PRIMA1: variants seen among roughly 807,000 people sequenced by gnomAD.
PRIMA1 encodes the protein proline-rich membrane anchor 1.
PRIMA1 carries 7 observed loss-of-function variants against 17.5 expected under a neutral mutation model. That is an observed-to-expected ratio of 0.40 (90% confidence interval 0.23 to 0.75). PRIMA1 has a LOEUF of 0.75. PRIMA1 is among the 30% of genes least tolerant of loss of function. The pLI, the probability that PRIMA1 is intolerant of heterozygous loss-of-function variation, is 0.37. For synonymous variants in PRIMA1, 97 were observed against 77.9 expected (o/e 1.25, Z -1.29); for missense variants, 200 against 201.8 (o/e 0.99, Z 0.05).
intron 4 of PRIMA1, among the ~76,000 whole-genome samples, chr14:93,736,754 CTT>C: frequency 6.6e-6 from 1 of 152,260 alleles, no homozygotes; most frequent in Non-Finnish European, 1.5e-5. Context: ...AAAGAGTAAA[CTT>C]AAATATTTTA....
At chr14:93,774,014 C>T (rs1448350341) in intron 3 of PRIMA1, among the ~76,000 whole-genome samples, 2 of 152,132 alleles carry the variant, frequency 1.3e-5, no homozygotes, top group African/African-American at 2.4e-5. Context: ...ATCACTTGAA[C>T]TCAGGAGGCA....
rs534100793 is a variant in PRIMA1 at position 93,721,584 on chromosome 14, G to T, written c.360-38C>A. 3.2e-5 allele frequency: 40 copies of T among 1,253,198 alleles called. No homozygotes were observed. In the East Asian group the frequency reaches 8.1e-4, roughly 25 times the overall value. The allele number at this position is 1,253,198 out of a possible 1,614,324, so 77.6% of individuals were successfully genotyped here. A position where few individuals can be genotyped will look rare whatever the true frequency, so the allele number is the denominator to read the frequency against. Reference sequence around the variant, plus strand: ...GGAGGGGACAGGAAAGGCAAAGGAGGGGGAGGCAGGGACACCATTAGTTAT... The same window carrying T: ...GGAGGGGACAGGAAAGGCAAAGGAGTGGGAGGCAGGGACACCATTAGTTAT... On this transcript the variant is annotated intron_variant, in intron 4 of 4. Coordinates refer to ENST00000393140, the MANE Select transcript of PRIMA1 (RefSeq NM_178013.4).
chr14:93,743,895 G>A (rs546838959), intron 3 of PRIMA1, among the ~76,000 whole-genome samples: 29 of 152,346 alleles, frequency 1.9e-4, no homozygotes, highest in Admixed American at 2.0e-4. Context: ...GACTCGGTGC[G>A]CGCTGAAAGG....
In PRIMA1 at chr14:93,718,475, A is replaced by G. The variant is rs760307792; in HGVS notation, c.*2969T>C. Reference sequence around the variant, plus strand: ...CATCAACTTGTACATTTGCCCATTGAGAGAACTCCCAGGAGCAACTGTCCT... The same window carrying G: ...CATCAACTTGTACATTTGCCCATTGGGAGAACTCCCAGGAGCAACTGTCCT... On this transcript the variant is annotated 3_prime_UTR_variant, in exon 5 of 5. Coordinates refer to ENST00000393140, the MANE Select transcript of PRIMA1 (RefSeq NM_178013.4). 5 of 152,604 alleles carry G rather than the reference A, an allele frequency of 3.3e-5. No homozygotes were observed. The South Asian group carries it at 1.0e-3, about 32-fold the overall frequency. 9.5% of individuals were successfully genotyped at this position (152,604 alleles called of 1,614,324 possible).
intron 3 of PRIMA1, among the ~76,000 whole-genome samples, chr14:93,757,649 G>A (rs1277113505): frequency 2.0e-5 from 3 of 152,076 alleles, no homozygotes; most frequent in Non-Finnish European, 2.9e-5. Flanking sequence ...GTGTGGAGTC[G>A]TTCAAGCTCT....
intron 3 of PRIMA1, among the ~76,000 whole-genome samples, chr14:93,752,446 T>C (rs1466318316): frequency 6.6e-6 from 1 of 152,146 alleles, no homozygotes; most frequent in East Asian, 1.9e-4. Flanking sequence ...CCCTCTCTCT[T>C]TCAGCAGCCA....
At chr14:93,767,562 C>T (rs1884928362) in intron 3 of PRIMA1, among the ~76,000 whole-genome samples, 1 of 152,212 alleles carries the variant, frequency 6.6e-6, no homozygotes, top group South Asian at 2.1e-4. Flanking sequence ...TCCTGCATCA[C>T]AGCCGATGCT....
chr14:93,723,994 C>T (rs2076059251), intron 4 of PRIMA1, among the ~76,000 whole-genome samples: 1 of 152,178 alleles, frequency 6.6e-6, no homozygotes, highest in South Asian at 2.1e-4. Flanking sequence ...AAGTGATCCT[C>T]CAGCTTTAGC....
intron 4 of PRIMA1, among the ~76,000 whole-genome samples, chr14:93,733,486 C>T (rs2076128889): frequency 1.3e-5 from 2 of 152,150 alleles, no homozygotes; most frequent in African/African-American, 4.8e-5. Context: ...CCGCCCGTCC[C>T]TGCCGAGGCC....
Position 93,737,439 on chromosome 14 carries a change from C to A in PRIMA1, c.230-69G>T, listed in dbSNP as rs2076157065. ...GTCATGGCCAGTGACAGAGGTGGGA[C>A]CATCATGGGTGACACCAACAGAGGC... On this transcript the variant is annotated intron_variant, in intron 3 of 4. Coordinates refer to ENST00000393140, the MANE Select transcript of PRIMA1 (RefSeq NM_178013.4). 3.2e-6 allele frequency: 5 copies of A among 1,566,524 alleles called. No homozygotes were observed. The East Asian group carries it at 1.2e-4, about 36-fold the overall frequency.
chr14:93,744,522 G>A (rs1312517983), intron 3 of PRIMA1, among the ~76,000 whole-genome samples: 2 of 152,244 alleles, frequency 1.3e-5, no homozygotes, highest in Admixed American at 1.3e-4. Context: ...CATGTGGGCC[G>A]CACTTGAAAA....
At chr14:93,734,408 G>C (rs1438932098) in intron 4 of PRIMA1, among the ~76,000 whole-genome samples, 2 of 152,272 alleles carry the variant, frequency 1.3e-5, no homozygotes, top group Admixed American at 1.3e-4. Context: ...TGCCTGTTTT[G>C]GGGCTGCTTC....
At chr14:93,750,186 T>A (rs1249384010) in intron 3 of PRIMA1, among the ~76,000 whole-genome samples, 1 of 147,690 alleles carries the variant, frequency 6.8e-6, no homozygotes, top group African/African-American at 2.5e-5. Context: ...AGACTCCGTC[T>A]AAAAAAAAAA....
At chr14:93,743,546 CCT>C in intron 3 of PRIMA1, among the ~76,000 whole-genome samples, 1 of 152,352 alleles carries the variant, frequency 6.6e-6, no homozygotes, top group South Asian at 2.1e-4. Context: ...CTAGGACCCC[CCT>C]GTGCCGTAGA....
At chr14:93,739,623 A>G (rs541990148) in intron 3 of PRIMA1, among the ~76,000 whole-genome samples, 2 of 152,298 alleles carry the variant, frequency 1.3e-5, no homozygotes, top group South Asian at 4.1e-4. Flanking sequence ...AAGGAAGAAG[A>G]TGGCAAGAAG....
intron 2 of PRIMA1, among the ~76,000 whole-genome samples, chr14:93,780,590 C>T (rs978618039): frequency 1.3e-5 from 2 of 152,168 alleles, no homozygotes; most frequent in Non-Finnish European, 2.9e-5. Context: ...CCTGGCTGTA[C>T]CTTGGAATCT....
intron 4 of PRIMA1, among the ~76,000 whole-genome samples, chr14:93,732,946 G>C (rs182661468): frequency 6.6e-6 from 1 of 152,192 alleles, no homozygotes; most frequent in African/African-American, 2.4e-5. Context: ...AGGGGTGGGA[G>C]GACACCCAGG....
intron 4 of PRIMA1, chr14:93,725,702 A>G: frequency 3.0e-6 from 1 of 327,906 alleles, no homozygotes; most frequent in Non-Finnish European, 6.1e-6. Flanking sequence ...GCACTTAGAC[A>G]AGCGTCTGGC....
At chr14:93,736,639 G>A (rs2076152084) in intron 4 of PRIMA1, among the ~76,000 whole-genome samples, 2 of 152,234 alleles carry the variant, frequency 1.3e-5, no homozygotes, top group South Asian at 4.1e-4. Context: ...TTGGCTTTCT[G>A]TGGCCCCCCA....
Sources: allele counts gnomAD v4.1 joint callset (sites outside exome capture counted in the v4.1 genomes callset), GRCh38; gene constraint gnomAD v4.1.1; transcripts MANE v1.5; gene names NCBI Gene and HGNC (gene_info 2026-07-23, HGNC 2026-07-21).